SLC24A2: variants seen among roughly 807,000 people sequenced by gnomAD.
SLC24A2 encodes the protein solute carrier family 24 member 2.
SLC24A2 carries 36 observed loss-of-function variants against 62.0 expected under a neutral mutation model. The observed-to-expected ratio is 0.58, with a 90% confidence interval of 0.44 to 0.77. The LOEUF is 0.77. Ranked by LOEUF, SLC24A2 falls within the 30% of genes least tolerant of loss-of-function variation. The probability of loss-of-function intolerance (pLI) is 0.00; values close to 1 mark genes in which losing one functional copy is unlikely to be tolerated. For synonymous variants in SLC24A2, 358 were observed against 294.0 expected, an observed-to-expected ratio of 1.22 and a Z score of -2.23; for missense variants, 846 against 817.9, an observed-to-expected ratio of 1.03 and a Z score of -0.42.
the SLC24A2 span, among the ~76,000 whole-genome samples, chr9:19,825,465 G>T: frequency 6.6e-6 from 1 of 152,118 alleles, no homozygotes; most frequent in East Asian, 1.9e-4. Flanking sequence ...TATGATTTAG[G>T]CTGTAGTGTG....
the SLC24A2 span, among the ~76,000 whole-genome samples, chr9:20,086,032 T>C: frequency 6.6e-6 from 1 of 152,202 alleles, no homozygotes; most frequent in Non-Finnish European, 1.5e-5. Context: ...ACACTGCTTA[T>C]CTCCCATGTC....
intron 2 of SLC24A2, among the ~76,000 whole-genome samples, chr9:19,623,764 T>G (rs1003331205): frequency 2.6e-5 from 4 of 152,240 alleles, no homozygotes; most frequent in Non-Finnish European, 5.9e-5. Flanking sequence ...TTTTGGATTC[T>G]GGAGTCAATA....
chr9:20,290,596 C>G, the SLC24A2 span, among the ~76,000 whole-genome samples: 1 of 152,188 alleles, frequency 6.6e-6, no homozygotes, highest in African/African-American at 2.4e-5. Flanking sequence ...TCTCTTGGAT[C>G]CTAAGCTGTT....
At chr9:20,266,230 G>T in the SLC24A2 span, among the ~76,000 whole-genome samples, 1 of 152,074 alleles carries the variant, frequency 6.6e-6, no homozygotes, top group African/African-American at 2.4e-5. Flanking sequence ...ATAAAAACTT[G>T]CTGGTTTTGT....
intron 4 of SLC24A2, among the ~76,000 whole-genome samples, chr9:19,602,520 T>A (rs145662655): frequency 6.6e-4 from 100 of 152,338 alleles, no homozygotes; most frequent in African/African-American, 2.3e-3. Context: ...TCAGGTACAT[T>A]GAGACCTGAT....
At chr9:19,856,654 C>T in the SLC24A2 span, among the ~76,000 whole-genome samples, 15 of 152,150 alleles carry the variant, frequency 9.9e-5, no homozygotes, top group African/African-American at 2.9e-4. Context: ...AAGATGACTG[C>T]TTGTTCCTTC....
At chr9:20,215,303 G>T in the SLC24A2 span, among the ~76,000 whole-genome samples, 2 of 152,152 alleles carry the variant, frequency 1.3e-5, no homozygotes, top group African/African-American at 4.8e-5. Flanking sequence ...CACCCTGGAG[G>T]TTAGAATTTC....
chr9:20,146,649 T>C, the SLC24A2 span, among the ~76,000 whole-genome samples: 256 of 152,174 alleles, frequency 1.7e-3, no homozygotes, highest in African/African-American at 6.0e-3. Flanking sequence ...AATTGGTTTT[T>C]AAACCTACAG....
the SLC24A2 span, among the ~76,000 whole-genome samples, chr9:20,272,537 G>C: frequency 6.6e-6 from 1 of 152,186 alleles, no homozygotes; most frequent in African/African-American, 2.4e-5. Flanking sequence ...TGAATGAGAT[G>C]ATTTTGTAAT....
the SLC24A2 span, among the ~76,000 whole-genome samples, chr9:20,192,579 A>G: frequency 6.6e-6 from 1 of 152,122 alleles, no homozygotes; most frequent in Admixed American, 6.6e-5. Flanking sequence ...TGGAATGTAT[A>G]TTTTTAAACC....
At chr9:19,918,918 C>T in the SLC24A2 span, among the ~76,000 whole-genome samples, 1 of 152,202 alleles carries the variant, frequency 6.6e-6, no homozygotes, top group African/African-American at 2.4e-5. Context: ...GAAGGTACTG[C>T]TGCCAGATTA....
the SLC24A2 span, among the ~76,000 whole-genome samples, chr9:20,018,397 G>C: frequency 4.6e-5 from 7 of 152,204 alleles, no homozygotes; most frequent in African/African-American, 1.7e-4. Flanking sequence ...GTGTGTAGAG[G>C]AATTGCCACG....
intron 7 of SLC24A2, among the ~76,000 whole-genome samples, chr9:19,566,699 T>G (rs2132824254): frequency 6.6e-6 from 1 of 152,272 alleles, no homozygotes; most frequent in Admixed American, 6.5e-5. Flanking sequence ...AGCAAAGACT[T>G]GAAACCAACC....
chr9:19,652,500 T>C (rs1197004831), intron 2 of SLC24A2, among the ~76,000 whole-genome samples: 1 of 151,714 alleles, frequency 6.6e-6, no homozygotes, highest in African/African-American at 2.4e-5. Flanking sequence ...GAGGCTGGAG[T>C]GATGCACTTT....
chr9:20,296,124 G>A, the SLC24A2 span, among the ~76,000 whole-genome samples: 1 of 152,232 alleles, frequency 6.6e-6, no homozygotes, highest in Non-Finnish European at 1.5e-5. Context: ...TGCAAAAGCA[G>A]AAAATCACCT....
chr9:19,686,310 AAATGTT>A (rs1291901390), intron 2 of SLC24A2, among the ~76,000 whole-genome samples: 2 of 152,132 alleles, frequency 1.3e-5, no homozygotes, highest in Non-Finnish European at 2.9e-5. Context: ...CTGTTGGTGG[AAATGTT>A]AATTAGTTCA....
chr9:20,029,617 G>C, the SLC24A2 span, among the ~76,000 whole-genome samples: 2 of 152,146 alleles, frequency 1.3e-5, no homozygotes, highest in Non-Finnish European at 2.9e-5. Context: ...ACCTATACTT[G>C]TGAAATGTCA....
chr9:20,276,603 G>A, the SLC24A2 span, among the ~76,000 whole-genome samples: 43 of 152,342 alleles, frequency 2.8e-4, 1 homozygote, highest in East Asian at 6.8e-3. Context: ...CCACTGGGGA[G>A]TGCCCTAGTG....
At chr9:19,680,156 T>C (rs1819678858) in intron 2 of SLC24A2, among the ~76,000 whole-genome samples, 1 of 152,020 alleles carries the variant, frequency 6.6e-6, no homozygotes. Context: ...CAGAACTCTA[T>C]TAACACTGAG....
Sources: allele counts gnomAD v4.1 joint callset (sites outside exome capture counted in the v4.1 genomes callset), GRCh38; gene constraint gnomAD v4.1.1; transcripts MANE v1.5; gene names NCBI Gene and HGNC (gene_info 2026-07-23, HGNC 2026-07-21).